CELSR1: variants seen among roughly 807,000 people sequenced by gnomAD.
The protein encoded by CELSR1 is adhesion G protein-coupled receptor C1.
A neutral mutation model predicts 249.1 loss-of-function variants in CELSR1; 110 were observed. That is an observed-to-expected ratio of 0.44 (90% CI 0.38 to 0.52). The LOEUF (loss-of-function observed/expected upper bound fraction) is 0.52, where lower values mean the gene tolerates loss of function less well. CELSR1 is among the 20% of genes least tolerant of loss of function. The probability of loss-of-function intolerance (pLI) is 0.00; values close to 1 mark genes in which losing one functional copy is unlikely to be tolerated. For synonymous variants in CELSR1, 2,113 were observed against 1,900.0 expected (o/e 1.11, Z -2.92); for missense variants, 4,109 against 4,296.4 (o/e 0.96, Z 1.22).
chr22:46,413,770 C>T lies in CELSR1; in HGVS notation c.4612-2011G>A, dbSNP rs377541300. On this transcript the variant is annotated intron_variant, in intron 5 of 34. Coordinates refer to ENST00000674500, the MANE Select transcript of CELSR1 (RefSeq NM_001378328.1). This position sits in a 1 kb window ranked among gnomAD's most constrained non-coding sequence, Gnocchi z 4.7. ...AATCATCTGTTTTCTCGCTGTGTAA[C>T]GCGGCCCACTTTGGAAAACGCGTGG... Among the ~76,000 whole-genome samples the T allele has an allele frequency of 8.1e-4, 123 of 152,312 alleles. 2 individuals carry two copies. In the South Asian group the frequency reaches 0.021, roughly 25 times the overall value.
chr22:46,529,966 G>C (rs1371725688), intron 1 of CELSR1, among the ~76,000 whole-genome samples: 1 of 152,054 alleles, frequency 6.6e-6, no homozygotes, highest in Non-Finnish European at 1.5e-5. Flanking sequence ...TCCATGATGT[G>C]ATCATTACAC....
rs1401698491 is a variant in CELSR1, at chr22:46,534,105, A to T, written c.3066T>A (p.Arg1022=). ...TAGGGCCTTCATCAGGGTCGTTAGC[A>T]CGAATCTTTGCCACCACCGACCCCA... The part of the protein sequence containing the change: ...NPVGSVVAKI[R]ANDPDEGPNA... The change falls in exon 1 of 35, where the codon CGT becomes CGA. Residue 1022 remains arginine, a synonymous_variant. Coordinates refer to ENST00000674500, the MANE Select transcript of CELSR1 (RefSeq NM_001378328.1). The surrounding 1 kb of genome is among the most constrained non-coding windows in gnomAD (Gnocchi z 9.7). 2.5e-6 allele frequency: 4 copies of T among 1,613,550 alleles called. No individual in the cohort carries two copies. Among genetic ancestry groups the T allele is most frequent in the Non-Finnish European group, 3.4e-6 (4 of 1,180,034 alleles).
chr22:46,475,194 C>T (rs1468655120), intron 1 of CELSR1, among the ~76,000 whole-genome samples: 1 of 152,128 alleles, frequency 6.6e-6, no homozygotes, highest in African/African-American at 2.4e-5. Flanking sequence ...ACCACATCCC[C>T]AGGCCCTCAG....
At chr22:46,519,750 C>T (rs971015094) in intron 1 of CELSR1, among the ~76,000 whole-genome samples, 3 of 152,186 alleles carry the variant, frequency 2.0e-5, no homozygotes, top group African/African-American at 7.2e-5. Flanking sequence ...CTTCCTTGCA[C>T]CCAGGGCCCC....
rs924365409 is a variant in CELSR1 at position 46,490,735 on chromosome 22, T to C, written c.3545-26390A>G. Among the ~76,000 whole-genome samples, 1 of 152,134 alleles carries C rather than the reference T, an allele frequency of 6.6e-6. No individual in the cohort carries two copies. Among genetic ancestry groups the C allele is most frequent in the Non-Finnish European group, 1.5e-5 (1 of 68,046 alleles). Reference sequence around the variant, plus strand: ...CAGAAAAATCTACAAAACCAACTCCTGCAGCCACCACAGGGTGCAGAGTGA... The same window carrying C: ...CAGAAAAATCTACAAAACCAACTCCCGCAGCCACCACAGGGTGCAGAGTGA... On this transcript the variant is annotated intron_variant, in intron 1 of 34. Coordinates refer to ENST00000674500, the MANE Select transcript of CELSR1 (RefSeq NM_001378328.1). The surrounding 1 kb of genome is among the most constrained non-coding windows in gnomAD (Gnocchi z 5.2).
chr22:46,415,364 G>A (rs1380991689), intron 5 of CELSR1, among the ~76,000 whole-genome samples: 1 of 152,130 alleles, frequency 6.6e-6, no homozygotes, highest in African/African-American at 2.4e-5. Flanking sequence ...TGGCCAGGCT[G>A]GTCTCGAACT....
At chr22:46,529,240 T>A (rs1164080834) in intron 1 of CELSR1, among the ~76,000 whole-genome samples, 1 of 151,030 alleles carries the variant, frequency 6.6e-6, no homozygotes, top group East Asian at 1.9e-4. Context: ...CACTCCAGCC[T>A]GGGCAGCAGA....
In CELSR1 at chr22:46,533,787, C is replaced by T. The variant is rs200909634; in HGVS notation, c.3384G>A (p.Pro1128=). 6.2e-6 allele frequency: 10 copies of T among 1,613,554 alleles called. No individual in the cohort carries two copies. Among genetic ancestry groups the T allele is most frequent in the Admixed American group, 1.7e-5 (1 of 60,012 alleles). The part of the protein sequence containing the change: ...SFPTGVIGCI[P]AHDPDVSDSL... ...TGTCTGACACGTCGGGGTCATGGGC[C>T]GGGATGCAGCCGATCACGCCGGTGG... Residue 1128 remains proline, a synonymous_variant, in exon 1 of 35, where the codon CCG becomes CCA. Coordinates refer to ENST00000674500, the MANE Select transcript of CELSR1 (RefSeq NM_001378328.1).
At chr22:46,465,749 G>A (rs1391815887) in intron 1 of CELSR1, among the ~76,000 whole-genome samples, 3 of 152,238 alleles carry the variant, frequency 2.0e-5, no homozygotes, top group Non-Finnish European at 2.9e-5. Context: ...CCACAGATGC[G>A]TGCAGGTGCA....
intron 5 of CELSR1, among the ~76,000 whole-genome samples, chr22:46,419,657 T>C (rs953868197): frequency 1.3e-5 from 2 of 148,428 alleles, no homozygotes; most frequent in African/African-American, 5.3e-5. Flanking sequence ...CCCTCGAAAA[T>C]GACTTTTCTG....
At chr22:46,367,929 C>T in intron 27 of CELSR1, 74 bp from the exon 28 acceptor site, 1 of 1,499,980 alleles carries the variant, frequency 6.7e-7, no homozygotes, top group Non-Finnish European at 8.9e-7. Flanking sequence ...TCTGCACGTC[C>T]ACCTGTCCAC....
intron 1 of CELSR1, among the ~76,000 whole-genome samples, chr22:46,523,371 A>C (rs1056228653): frequency 1.3e-5 from 2 of 151,954 alleles, no homozygotes; most frequent in African/African-American, 4.8e-5. Flanking sequence ...TCTACTAAAA[A>C]TACAAAAATT....
Position 46,473,503 on chromosome 22 carries a change from T to G in CELSR1, c.3545-9158A>C, listed in dbSNP as rs1047984908. ...CAGGAACCAGGGGCCACTTATTCACTGTGAGTCTCCGTCACCACCCCATGC... is the reference window on the plus strand; with the variant it reads ...CAGGAACCAGGGGCCACTTATTCACGGTGAGTCTCCGTCACCACCCCATGC... On this transcript the variant is annotated intron_variant, in intron 1 of 34. Coordinates refer to ENST00000674500, the MANE Select transcript of CELSR1 (RefSeq NM_001378328.1). This position sits in a 1 kb window ranked among gnomAD's most constrained non-coding sequence, Gnocchi z 6.6. 6.6e-6 allele frequency among the ~76,000 whole-genome samples: 1 copy of G among 152,112 alleles called. No homozygotes were observed. The highest frequency in any genetic ancestry group is 2.4e-5 in the African/African-American group (1 of 41,420).
rs1044992940 is a variant in CELSR1 at position 46,484,745 on chromosome 22, G to A, written c.3545-20400C>T. Reference sequence around the variant, plus strand: ...CCCCGCCCAGGTGCTGGGGAGGTCCGGCTGCTGCCTGAGGTCTCCAAACAC... The same window carrying A: ...CCCCGCCCAGGTGCTGGGGAGGTCCAGCTGCTGCCTGAGGTCTCCAAACAC... On this transcript the variant is annotated intron_variant, in intron 1 of 34. Transcript: ENST00000674500. This position sits in a 1 kb window ranked among gnomAD's most constrained non-coding sequence, Gnocchi z 4.5. Among the ~76,000 whole-genome samples the A allele has an allele frequency of 7.1e-6, 1 of 141,670 alleles. No homozygotes were observed. The highest frequency in any genetic ancestry group is 1.5e-5 in the Non-Finnish European group (1 of 65,744). 92.9% of individuals were successfully genotyped at this position (141,670 alleles called of 152,430 possible). A position where few individuals can be genotyped will look rare whatever the true frequency, so the allele number is the denominator to read the frequency against.
chr22:46,411,839 C>A lies in CELSR1; in HGVS notation c.4612-80G>T. Reference sequence around the variant, plus strand: ...GCAGGCGCACCTGTCACTCATAGAGCGAGGAGGACATGGCACAGGGTGGGC... The same window carrying A: ...GCAGGCGCACCTGTCACTCATAGAGAGAGGAGGACATGGCACAGGGTGGGC... On this transcript the variant is annotated intron_variant, in intron 5 of 34. Coordinates refer to ENST00000674500, the MANE Select transcript of CELSR1 (RefSeq NM_001378328.1). This position sits in a 1 kb window ranked among gnomAD's most constrained non-coding sequence, Gnocchi z 4.2. The A allele has an allele frequency of 6.4e-7, 1 of 1,574,706 alleles. No homozygotes were observed. Among genetic ancestry groups the A allele is most frequent in the Non-Finnish European group, 8.7e-7 (1 of 1,155,444 alleles).
intron 2 of CELSR1, among the ~76,000 whole-genome samples, chr22:46,455,627 A>G (rs1256376450): frequency 6.6e-6 from 1 of 152,200 alleles, no homozygotes; most frequent in Non-Finnish European, 1.5e-5. Context: ...TGTCGTCTTC[A>G]GCCACTCAGT....
rs2079096531 is a variant in CELSR1, at chr22:46,391,861, G to A, written c.5965-45C>T. 1 of 1,575,750 alleles carries A rather than the reference G, an allele frequency of 6.3e-7. No homozygotes were observed. Among genetic ancestry groups the A allele is most frequent in the Non-Finnish European group, 8.6e-7 (1 of 1,162,336 alleles). On this transcript the variant is annotated intron_variant, in intron 14 of 34. Transcript: ENST00000674500. This position sits in a 1 kb window ranked among gnomAD's most constrained non-coding sequence, Gnocchi z 4.3. ...GGCCTGTGACTTCAGATGCCCGGGA[G>A]AGGCCCTACCTTGCAGCGTGTTTCC...
chr22:46,439,189 G>A lies in CELSR1; in HGVS notation c.4406C>T (p.Thr1469Met), dbSNP rs199705239. Residue 1469 changes from threonine (T) to methionine (M), a missense_variant and splice_region_variant, in exon 3 of 35, where the codon ACG becomes ATG. By Grantham distance (81) the Thr-to-Met change is moderately conservative. Coordinates refer to ENST00000674500, the MANE Select transcript of CELSR1 (RefSeq NM_001378328.1). ...RQRFHFTISL[T>M]FATQERNGLL... ...GTGGCGCGGCGGGACGCACACTCAC[G>A]TGAGGGAGATGGTGAAGTGGAAGCG... is the stretch of plus-strand genomic sequence containing the variant. 2.0e-5 allele frequency: 33 copies of A among 1,612,336 alleles called. No homozygotes were observed. Among genetic ancestry groups the A allele is most frequent in the East Asian group, 6.7e-5 (3 of 44,844 alleles).
rs535878110 is a variant in CELSR1 at position 46,488,590 on chromosome 22, C to A, written c.3545-24245G>T. ...ACAAAAAGAACAAACGCACCCCCCGCGCCACAGTGGAAAGTCCCCAGAAGC... is the reference window on the plus strand; with the variant it reads ...ACAAAAAGAACAAACGCACCCCCCGAGCCACAGTGGAAAGTCCCCAGAAGC... On this transcript the variant is annotated intron_variant, in intron 1 of 34. Coordinates refer to ENST00000674500, the MANE Select transcript of CELSR1 (RefSeq NM_001378328.1). This position sits in a 1 kb window ranked among gnomAD's most constrained non-coding sequence, Gnocchi z 4.7. 6.6e-6 allele frequency among the ~76,000 whole-genome samples: 1 copy of A among 152,056 alleles called. No individual in the cohort carries two copies. Among genetic ancestry groups the A allele is most frequent in the African/African-American group, 2.4e-5 (1 of 41,418 alleles).
Sources: gnomAD v4.1 joint callset for allele counts (sites outside exome capture counted in the v4.1 genomes callset) on GRCh38, gnomAD v4.1.1 for gene constraint, Gnocchi (gnomAD v3.1) non-coding constraint, MANE v1.5 for transcripts, NCBI Gene and HGNC (gene_info 2026-07-23, HGNC 2026-07-21) for gene names.